HIGD1A: variants seen among roughly 807,000 people sequenced by gnomAD.
The protein encoded by HIGD1A is HIG1 hypoxia inducible domain family member 1A.
In HIGD1A, 8 loss-of-function variants were observed where a neutral mutation model predicts 11.3. The ratio of observed to expected loss-of-function variants is 0.71; its 90% CI spans 0.42 to 1.28. The LOEUF (loss-of-function observed/expected upper bound fraction) is 1.28, where lower values mean the gene tolerates loss of function less well. HIGD1A is among the 50% of genes most tolerant of loss of function. The probability of loss-of-function intolerance (pLI) is 0.01; values close to 1 mark genes in which losing one functional copy is unlikely to be tolerated. For missense variants in HIGD1A, 107 were observed against 118.8 expected (o/e 0.90, Z 0.46); for synonymous variants, 32 against 38.4 (o/e 0.83, Z 0.62).
chr3:42,795,519 A>G (rs577327710), intron 1 of HIGD1A, among the ~76,000 whole-genome samples: 84 of 152,080 alleles, frequency 5.5e-4, no homozygotes, highest in African/African-American at 2.0e-3. Context: ...TGGCCCTATG[A>G]TTAGCACCTT....
intron 1 of HIGD1A, chr3:42,804,054 C>G: frequency 1.8e-6 from 2 of 1,115,218 alleles, no homozygotes; most frequent in Non-Finnish European, 2.6e-6. Context: ...TCAGAATGTT[C>G]CAAGCTCCGG....
At chr3:42,799,912 C>T (rs969292804) in intron 1 of HIGD1A, among the ~76,000 whole-genome samples, 6 of 152,186 alleles carry the variant, frequency 3.9e-5, no homozygotes, top group African/African-American at 1.2e-4. Flanking sequence ...AGGTTTGGCA[C>T]GTTTCACAGA....
intron 1 of HIGD1A, among the ~76,000 whole-genome samples, chr3:42,801,629 T>C (rs1047980527): frequency 1.3e-5 from 2 of 152,202 alleles, no homozygotes; most frequent in Non-Finnish European, 1.5e-5. Context: ...GTTTAATCAG[T>C]AAGAAAAATG....
chr3:42,785,681 A>C (rs1012043744), intron 3 of HIGD1A, among the ~76,000 whole-genome samples: 4 of 152,350 alleles, frequency 2.6e-5, no homozygotes, highest in Non-Finnish European at 5.9e-5. Context: ...TGTAATACCT[A>C]AACTTTAAGA....
At chr3:42,803,298 T>C (rs1032489550) in intron 1 of HIGD1A, among the ~76,000 whole-genome samples, 1 of 152,180 alleles carries the variant, frequency 6.6e-6, no homozygotes, top group East Asian at 1.9e-4. Flanking sequence ...ACGTAACAGG[T>C]TGAATGAAGG....
chr3:42,791,932 A>G (rs998832638), intron 2 of HIGD1A, among the ~76,000 whole-genome samples: 1 of 152,234 alleles, frequency 6.6e-6, no homozygotes, highest in African/African-American at 2.4e-5. Context: ...CACTGTTACA[A>G]AACATTGTAT....
chr3:42,804,133 A>G, intron 1 of HIGD1A: 1 of 1,597,976 alleles, frequency 6.3e-7, no homozygotes. Context: ...GTCTCTCATT[A>G]CCACCCCATC....
At position 42,783,623 on chromosome 3, in the gene HIGD1A, C is replaced by T. The variant is rs6442067; in HGVS notation, c.*1648G>A. 0.69 allele frequency among the ~76,000 whole-genome samples: 103,261 copies of T among 150,386 alleles called. 36,053 individuals carry two copies. The highest frequency in any genetic ancestry group is 0.74 in the Non-Finnish European group (49,883 of 67,648). Reference sequence around the variant, plus strand: ...GAGCAAGACTCTGTCTCAAAATAAACAAACAAACAAACAAACAAACAGTAT... The same window carrying T: ...GAGCAAGACTCTGTCTCAAAATAAATAAACAAACAAACAAACAAACAGTAT... On this transcript the variant is annotated 3_prime_UTR_variant, in exon 4 of 4. Coordinates refer to ENST00000321331, the MANE Select transcript of HIGD1A (RefSeq NM_014056.4).
rs562624230 is a variant in HIGD1A, at chr3:42,794,161, G to A, written c.93C>T (p.Pro31=). 2.9e-5 allele frequency: 46 copies of A among 1,598,952 alleles called. No individual in the cohort carries two copies. The highest frequency in any genetic ancestry group is 1.9e-4 in the Middle Eastern group (1 of 5,242). ...IRKAKEAPFV[P]VGIAGFAAIV... ...TAAAATGTCAGTCAAACTTACCAAC[G>A]GGTACGAATGGTGCCTCTTTAGCTT... Residue 31 remains proline (P), a synonymous_variant, in exon 2 of 4, where the codon CCC becomes CCT. Transcript: ENST00000321331.
chr3:42,789,038 A>ATTTTTT (rs35390450), intron 2 of HIGD1A, among the ~76,000 whole-genome samples: 5 of 113,946 alleles, frequency 4.4e-5, no homozygotes, highest in Non-Finnish European at 5.1e-5. Flanking sequence ...TACTTTGGGA[A>ATTTTTT]TTTTTTTTTT....
At chr3:42,790,455 C>T (rs1422434815) in intron 2 of HIGD1A, among the ~76,000 whole-genome samples, 1 of 152,204 alleles carries the variant, frequency 6.6e-6, no homozygotes, top group Non-Finnish European at 1.5e-5. Context: ...ATTGCTTGAA[C>T]CCGGGAGGCG....
chr3:42,804,237 C>T (rs776357733), intron 1 of HIGD1A, 199 bp downstream of exon 1: 2 of 1,601,898 alleles, frequency 1.2e-6, no homozygotes, highest in South Asian at 1.1e-5. Flanking sequence ...CCCTAGGCCT[C>T]GGCTCCCGAC....
intron 1 of HIGD1A, among the ~76,000 whole-genome samples, chr3:42,800,813 T>G (rs1053031779): frequency 1.3e-5 from 2 of 151,976 alleles, no homozygotes; most frequent in African/African-American, 4.8e-5. Flanking sequence ...TTAGCTCTTA[T>G]GAGATGACCC....
chr3:42,789,916 TCTCA>T, intron 2 of HIGD1A, among the ~76,000 whole-genome samples: 1 of 151,912 alleles, frequency 6.6e-6, no homozygotes, highest in Non-Finnish European at 1.5e-5. Flanking sequence ...AGAGACAGGG[TCTCA>T]CTGTGTTGCC....
At chr3:42,792,108 C>A (rs923168270) in intron 2 of HIGD1A, among the ~76,000 whole-genome samples, 3 of 152,120 alleles carry the variant, frequency 2.0e-5, no homozygotes, top group Non-Finnish European at 4.4e-5. Context: ...ACTGTGCAGA[C>A]TGCTGTTGTC....
At chr3:42,787,565 T>A (rs1298034566) in intron 2 of HIGD1A, among the ~76,000 whole-genome samples, 1 of 135,346 alleles carries the variant, frequency 7.4e-6, no homozygotes, top group East Asian at 2.2e-4. Context: ...CACTCCAGCC[T>A]GGGCGACAGA....
At chr3:42,785,662 G>T (rs1374510165) in intron 3 of HIGD1A, among the ~76,000 whole-genome samples, 1 of 152,138 alleles carries the variant, frequency 6.6e-6, no homozygotes, top group Non-Finnish European at 1.5e-5. Context: ...AAAGCCAATA[G>T]AAGAAGCATG....
chr3:42,793,612 A>C (rs1189888345), intron 2 of HIGD1A, among the ~76,000 whole-genome samples: 2 of 152,212 alleles, frequency 1.3e-5, no homozygotes, highest in Non-Finnish European at 2.9e-5. Flanking sequence ...TCTTGGCCCA[A>C]TCATCTAACC....
intron 1 of HIGD1A, among the ~76,000 whole-genome samples, chr3:42,803,403 A>G (rs1559679729): frequency 6.6e-6 from 1 of 152,228 alleles, no homozygotes; most frequent in South Asian, 2.1e-4. Flanking sequence ...AGCTTGTTTA[A>G]AATGGCTGCC....
Sources: gnomAD v4.1 joint callset for allele counts (sites outside exome capture counted in the v4.1 genomes callset) on GRCh38, gnomAD v4.1.1 for gene constraint, MANE v1.5 for transcripts, NCBI Gene and HGNC (gene_info 2026-07-23, HGNC 2026-07-21) for gene names.